Variants in SNED1 observed in about 807,000 individuals in gnomAD.
SNED1 encodes sushi, nidogen and EGF-like domain-containing protein 1.
A neutral mutation model predicts 166.7 loss-of-function variants in SNED1; 81 were observed. The ratio of observed to expected loss-of-function variants is 0.49; its 90% CI spans 0.41 to 0.58. The LOEUF is 0.58. Among genes scored for constraint, SNED1 ranks in the 20% least tolerant of loss-of-function variants. The pLI, the probability that SNED1 is intolerant of heterozygous loss-of-function variation, is 0.00. For synonymous variants in SNED1, 762 were observed against 822.0 expected (o/e 0.93, Z 1.25); for missense variants, 1,604 against 2,000.2 (o/e 0.80, Z 3.78).
intron 1 of SNED1, among the ~76,000 whole-genome samples, chr2:241,003,864 C>G (rs1246706420): frequency 6.6e-6 from 1 of 152,234 alleles, no homozygotes; most frequent in African/African-American, 2.4e-5. Context: ...CACACAGGAG[C>G]AGCAATTTGT....
chr2:241,094,229 C>T lies in SNED1; in HGVS notation c.*2593C>T, dbSNP rs1018424817. 3.9e-5 allele frequency: 18 copies of T among 458,082 alleles called. No individual in the cohort carries two copies. The highest frequency in any genetic ancestry group is 9.8e-5 in the Admixed American group (4 of 40,894). The allele number at this position is 458,082 out of a possible 1,614,324, so 28.4% of individuals were successfully genotyped here. ...GAATCTTTGCTGTGCCCACTGTCCT[C>T]CAGTAGAGAACCCAACAGGCAAGGG... On this transcript the variant is annotated 3_prime_UTR_variant, in exon 32 of 32. Transcript: ENST00000310397. This position sits in a 1 kb window ranked among gnomAD's most constrained non-coding sequence, Gnocchi z 4.3.
chr2:241,065,653 T>C, intron 21 of SNED1, 58 bp downstream of exon 21: 2 of 1,472,838 alleles, frequency 1.4e-6, no homozygotes, highest in Non-Finnish European at 1.9e-6. Context: ...AGGGCAGCGC[T>C]GGCCCCGGCA....
chr2:241,036,689 C>T (rs972082849), intron 4 of SNED1, 101 bp from the exon 5 acceptor site: 11 of 1,514,342 alleles, frequency 7.3e-6, no homozygotes, highest in Non-Finnish European at 8.9e-6. Flanking sequence ...CAGAGGCCGA[C>T]CTTTTGGGTC....
chr2:241,000,992 A>C lies in SNED1; in HGVS notation c.213+1942A>C, dbSNP rs148291377. ...GGCTGAAGCCAGGTGGAAAGAAGGG[A>C]GGCATTTGTTCTGAAGGAAGTGGAC... On this transcript the variant is annotated intron_variant, in intron 1 of 31. Transcript: ENST00000310397. Among the ~76,000 whole-genome samples the C allele has an allele frequency of 6.5e-3, 988 of 152,298 alleles. 8 individuals are homozygous for C. The highest frequency in any genetic ancestry group is 0.01 in the Middle Eastern group (3 of 294).
intron 20 of SNED1, 83 bp from the exon 21 acceptor site, chr2:241,065,216 C>A: frequency 1.4e-6 from 2 of 1,451,240 alleles, no homozygotes; most frequent in South Asian, 2.5e-5. Context: ...GAGCCAGACC[C>A]GGCTGAGCCG....
chr2:241,032,031 A>C (rs1202455907), intron 2 of SNED1, among the ~76,000 whole-genome samples: 1 of 152,176 alleles, frequency 6.6e-6, no homozygotes, highest in African/African-American at 2.4e-5. Context: ...TGCCACCTGC[A>C]GAATTCCAGT....
intron 9 of SNED1, 84 bp downstream of exon 9, chr2:241,048,524 C>T (rs1028069937): frequency 1.9e-5 from 28 of 1,508,276 alleles, no homozygotes; most frequent in South Asian, 7.7e-5. Context: ...ATGCAGGAAA[C>T]GCCCCGAAAA....
At chr2:241,062,758 A>G in intron 16 of SNED1, 33 bp from the exon 17 acceptor site, 1 of 1,470,540 alleles carries the variant, frequency 6.8e-7, no homozygotes, top group Non-Finnish European at 9.4e-7. Flanking sequence ...AATCGTGGCC[A>G]CATTGCTTTA....
chr2:241,065,632 C>T, intron 21 of SNED1, 37 bp downstream of exon 21: 1 of 1,592,698 alleles, frequency 6.3e-7, no homozygotes. Flanking sequence ...CTGCCCAGCC[C>T]CTGCCCCTCG....
At position 241,069,830 on chromosome 2, in the gene SNED1, G is replaced by A. The variant is rs2062625022; in HGVS notation, c.3308-90G>A. The A allele has an allele frequency of 6.9e-7, 1 of 1,444,466 alleles. No homozygotes were observed. The highest frequency in any genetic ancestry group is 1.9e-5 in the Admixed American group (1 of 52,142). The allele number at this position is 1,444,466 out of a possible 1,614,324, so 89.5% of individuals were successfully genotyped here. A position where few individuals can be genotyped will look rare whatever the true frequency, so the allele number is the denominator to read the frequency against. On this transcript the variant is annotated intron_variant, in intron 23 of 31. Transcript: ENST00000310397. This position sits in a 1 kb window ranked among gnomAD's most constrained non-coding sequence, Gnocchi z 4.9. ...AAAGAATCTGGCTTCCAGCAAGGCT[G>A]CGGCAGCCCATGTCCGGTTCTCAAA...
chr2:241,034,729 A>G lies in SNED1; in HGVS notation c.804A>G (p.Thr268=). 1 of 1,557,854 alleles carries G rather than the reference A, an allele frequency of 6.4e-7. No individual in the cohort carries two copies. The highest frequency in any genetic ancestry group is 8.7e-7 in the Non-Finnish European group (1 of 1,150,948). The stretch of plus-strand genomic sequence containing the variant: ...TGCGCGTGGGGGGCTGCGGCCATAC[A>G]AGTAAGAGGACAGAGGAGCAGCTTG... The part of the protein sequence containing the change: ...AQVRVGGCGH[T]TSVCLALRPC... Residue 268 remains threonine (T), a splice_region_variant and synonymous_variant, in exon 4 of 32, where the codon ACA becomes ACG. Coordinates refer to ENST00000310397, the MANE Select transcript of SNED1 (RefSeq NM_001080437.3).
intron 8 of SNED1, among the ~76,000 whole-genome samples, chr2:241,042,473 T>C (rs1218753494): frequency 1.3e-5 from 2 of 151,850 alleles, no homozygotes; most frequent in African/African-American, 4.8e-5. Flanking sequence ...TACAACAGAA[T>C]CCAGAACTCC....
At position 241,094,533 on chromosome 2, in the gene SNED1, C is replaced by T. The variant is rs927108749; in HGVS notation, c.*2897C>T. The T allele has an allele frequency of 8.1e-6, 3 of 370,224 alleles. No individual in the cohort carries two copies. The highest frequency in any genetic ancestry group is 7.6e-5 in the Admixed American group (2 of 26,420). The allele number at this position is 370,224 out of a possible 1,614,324, so 22.9% of individuals were successfully genotyped here. A position where few individuals can be genotyped will look rare whatever the true frequency, so the allele number is the denominator to read the frequency against. Reference sequence around the variant, plus strand: ...TTCCAGTGCATAGGGGAAAGGAACCCGGCTGAAAAACCAGCTCCTTATTTT... The same window carrying T: ...TTCCAGTGCATAGGGGAAAGGAACCTGGCTGAAAAACCAGCTCCTTATTTT... On this transcript the variant is annotated 3_prime_UTR_variant, in exon 32 of 32. Coordinates refer to ENST00000310397, the MANE Select transcript of SNED1 (RefSeq NM_001080437.3). This position sits in a 1 kb window ranked among gnomAD's most constrained non-coding sequence, Gnocchi z 4.3.
At position 240,998,622 on chromosome 2, in the gene SNED1, C is replaced by G. The variant is rs1285050492; in HGVS notation, c.-216C>G. 6.6e-6 allele frequency among the ~76,000 whole-genome samples: 1 copy of G among 151,826 alleles called. No homozygotes were observed. The highest frequency in any genetic ancestry group is 2.4e-5 in the African/African-American group (1 of 41,390). On this transcript the variant is annotated 5_prime_UTR_variant, in exon 1 of 32. Transcript: ENST00000310397. ...CGTGGCCCCAGGGGCGGGGCTGGCC[C>G]CGAACGCGGTCCCGCCCGGCGCTTT...
At chr2:241,074,425 T>G (rs2062918051) in intron 27 of SNED1, 1 of 152,212 alleles carries the variant, frequency 6.6e-6, no homozygotes, top group Non-Finnish European at 1.5e-5. Flanking sequence ...GTGAAGACTC[T>G]CGTGTTGATC....
chr2:241,089,478 T>C, intron 31 of SNED1: 1 of 1,517,304 alleles, frequency 6.6e-7, no homozygotes, highest in South Asian at 1.3e-5. Context: ...CACACCCCCT[T>C]GGGGGAAAGG....
intron 24 of SNED1, among the ~76,000 whole-genome samples, chr2:241,071,159 C>T (rs2062694491): frequency 6.6e-6 from 1 of 152,172 alleles, no homozygotes; most frequent in South Asian, 2.1e-4. Flanking sequence ...TCTCAGGGCA[C>T]ATGCTGGGGT....
In SNED1 at chr2:241,069,410, C is replaced by G. The variant is rs1033834760; in HGVS notation, c.3307+387C>G. On this transcript the variant is annotated intron_variant, in intron 23 of 31. Transcript: ENST00000310397. This position sits in a 1 kb window ranked among gnomAD's most constrained non-coding sequence, Gnocchi z 4.9. ...TCCTGGTGTCACTAGGCCCACACCC[C>G]CTCCCCAGTGCATGGGAGGGGTGAC... 6.6e-6 allele frequency among the ~76,000 whole-genome samples: 1 copy of G among 152,196 alleles called. No individual in the cohort carries two copies. The highest frequency in any genetic ancestry group is 2.4e-5 in the African/African-American group (1 of 41,460).
At chr2:241,071,517 GCAGGGA>G in intron 24 of SNED1, 53 bp from the exon 25 acceptor site, 9 of 1,537,962 alleles carry the variant, frequency 5.9e-6, no homozygotes, top group Non-Finnish European at 6.1e-6. Context: ...TGCCACAGGG[GCAGGGA>G]CAGGAGCAGA....
Sources: gnomAD v4.1 joint callset for allele counts (sites outside exome capture counted in the v4.1 genomes callset) on GRCh38, gnomAD v4.1.1 for gene constraint, Gnocchi (gnomAD v3.1) non-coding constraint, MANE v1.5 for transcripts, NCBI Gene and HGNC (gene_info 2026-07-23, HGNC 2026-07-21) for gene names.